Variants in TRIM22 observed in about 807,000 individuals in gnomAD.
TRIM22 encodes the protein tripartite motif containing 22.
TRIM22 carries 45 observed loss-of-function variants against 53.6 expected under a neutral mutation model. That is an observed-to-expected ratio of 0.84 (90% CI 0.66 to 1.08). The LOEUF is 1.08. TRIM22 is among the 50% of genes least tolerant of loss of function. The probability of loss-of-function intolerance (pLI) is 0.00; values close to 1 mark genes in which losing one functional copy is unlikely to be tolerated. For synonymous variants in TRIM22, 225 were observed against 216.6 expected, an observed-to-expected ratio of 1.04 and a Z score of -0.34; for missense variants, 616 against 590.9, an observed-to-expected ratio of 1.04 and a Z score of -0.44.
intron 1 of TRIM22, among the ~76,000 whole-genome samples, chr11:5,690,105 G>C (rs1853150461): frequency 6.6e-6 from 1 of 152,162 alleles, no homozygotes; most frequent in African/African-American, 2.4e-5. Context: ...GTTTGCAAAA[G>C]CAAAAAGCCT....
chr11:5,697,677 G>C (rs1853289636), intron 3 of TRIM22: 1 of 252,188 alleles, frequency 4.0e-6, no homozygotes. Context: ...TCCCTGTTTA[G>C]GGGGTTTCAG....
rs749025876 is a variant in TRIM22 at position 5,709,652 on chromosome 11, T to TTC, written c.*7_*8dup. 3.0e-4 allele frequency: 484 copies of TTC among 1,598,328 alleles called. 1 individual carries two copies. Among genetic ancestry groups the TTC allele is most frequent in the Non-Finnish European group, 3.4e-4 (402 of 1,176,264 alleles). ...TGTGTGCCCACCGAGCTCCTGAGTG[T>TTC]TCTCATTCCTTTACCCACTTCTGCA... On this transcript the variant is annotated 3_prime_UTR_variant, in exon 8 of 8. Transcript: ENST00000379965.
At chr11:5,697,949 C>T (rs868684586) in intron 3 of TRIM22, 3 of 212,898 alleles carry the variant, frequency 1.4e-5, no homozygotes, top group East Asian at 1.1e-4. Flanking sequence ...GTGATCCACC[C>T]ATCTCAGCCT....
rs140779113 is a variant in TRIM22, at chr11:5,708,098, G to A, written c.774-75G>A. 5.3e-4 allele frequency: 653 copies of A among 1,224,914 alleles called. 1 individual carries two copies. In the Middle Eastern group the frequency reaches 7.2e-3, roughly 13 times the overall value. The allele number at this position is 1,224,914 out of a possible 1,614,324, so 75.9% of individuals were successfully genotyped here. A position where few individuals can be genotyped will look rare whatever the true frequency, so the allele number is the denominator to read the frequency against. On this transcript the variant is annotated intron_variant, in intron 5 of 7. Coordinates refer to ENST00000379965, the MANE Select transcript of TRIM22 (RefSeq NM_006074.5). ...AGTGCGTCAGCAAGTATGGTGAAAGGTGAAAGAGACAGTGATCTTGGATGG... is the reference window on the plus strand; with the variant it reads ...AGTGCGTCAGCAAGTATGGTGAAAGATGAAAGAGACAGTGATCTTGGATGG...
At position 5,709,107 on chromosome 11, in the gene TRIM22, A is replaced by C. The variant is rs950275794; in HGVS notation, c.956A>C (p.Asp319Ala). The stretch of plus-strand genomic sequence containing the variant: ...ACTTCGAATGTTGCTATTTCTGTGG[A>C]TCAGAGACAAGTGAAAACTGTACGC... ...SATSNVAISV[D>A]QRQVKTVRTC... The change falls in exon 8 of 8, where the codon GAT (aspartate) becomes GCT (alanine). Residue 319 changes from aspartate (D) to alanine (A), a missense_variant. By Grantham distance (126) the Asp-to-Ala change is moderately radical. Transcript: ENST00000379965. The C allele has an allele frequency of 2.0e-5, 33 of 1,614,034 alleles. 1 individual carries two copies. The highest frequency in any genetic ancestry group is 2.8e-5 in the Non-Finnish European group (33 of 1,180,014).
chr11:5,707,647 T>C (rs1484229307), intron 5 of TRIM22, among the ~76,000 whole-genome samples: 19 of 152,066 alleles, frequency 1.2e-4, no homozygotes, highest in Admixed American at 1.2e-3. Context: ...CTGTCTCTAC[T>C]AAAAGTACAA....
At chr11:5,694,967 T>C (rs547092109) in intron 1 of TRIM22, among the ~76,000 whole-genome samples, 1 of 152,260 alleles carries the variant, frequency 6.6e-6, no homozygotes, top group East Asian at 1.9e-4. Context: ...AAGATGAAAA[T>C]CTGATTAAAA....
At chr11:5,695,202 A>C (rs1853237473) in intron 1 of TRIM22, among the ~76,000 whole-genome samples, 1 of 152,206 alleles carries the variant, frequency 6.6e-6, no homozygotes, top group Non-Finnish European at 1.5e-5. Flanking sequence ...GCAGTGAGTG[A>C]CAGTACTGGT....
rs1853257148 is a variant in TRIM22 at position 5,696,289 on chromosome 11, G to A, written c.57G>A (p.Leu19=). ...IEKEVTCPIC[L]ELLTEPLSLD... is the part of the protein sequence containing the mutation. Reference sequence around the variant, plus strand: ...AGGAGGTGACCTGCCCCATCTGCCTGGAGCTCCTGACAGAACCTCTGAGCC... The same window carrying A: ...AGGAGGTGACCTGCCCCATCTGCCTAGAGCTCCTGACAGAACCTCTGAGCC... The change falls in exon 2 of 8, where the codon CTG becomes CTA. Residue 19 remains leucine (L), a synonymous_variant. Coordinates refer to ENST00000379965, the MANE Select transcript of TRIM22 (RefSeq NM_006074.5). 6.2e-7 allele frequency: 1 copy of A among 1,613,978 alleles called. No individual in the cohort carries two copies. The highest frequency in any genetic ancestry group is 1.7e-5 in the Admixed American group (1 of 59,992).
rs1286531160 is a variant in TRIM22, at chr11:5,697,770, C to T, written c.519+427C>T. 1.8e-5 allele frequency: 3 copies of T among 169,056 alleles called. No homozygotes were observed. The East Asian group carries it at 4.7e-4, about 26-fold the overall frequency. The allele number at this position is 169,056 out of a possible 1,614,324, so 10.5% of individuals were successfully genotyped here. ...ACAGGCTGGAGTGTAGTGGCGCGAT[C>T]TTGGCTCACTGCAACCTCTGCCTCC... On this transcript the variant is annotated intron_variant, in intron 3 of 7. Transcript: ENST00000379965.
chr11:5,708,592 AGTAC>A lies in TRIM22; in HGVS notation c.891_894del (p.Gln297HisfsTer6). The A allele has an allele frequency of 6.2e-7, 1 of 1,607,640 alleles. No homozygotes were observed. The highest frequency in any genetic ancestry group is 1.1e-5 in the South Asian group (1 of 89,684). Reference sequence around the variant, plus strand: ...GTCGTTTCAGAGCTGACAGATGTCCAGTACTACTGGGGTAAGATGATATGGGGTT... The same window carrying A: ...GTCGTTTCAGAGCTGACAGATGTCCATACTGGGGTAAGATGATATGGGGTT... On this transcript the variant is annotated frameshift_variant, in exon 7 of 8. Transcript: ENST00000379965. LOFTEE classifies it high-confidence loss of function.
In TRIM22 at chr11:5,709,890, G is replaced by A. The variant is rs1319501086; in HGVS notation, c.*242G>A. The A allele has an allele frequency of 8.1e-6, 4 of 493,468 alleles. No homozygotes were observed. Among genetic ancestry groups the A allele is most frequent in the East Asian group, 6.5e-5 (2 of 30,814 alleles). 30.6% of individuals were successfully genotyped at this position (493,468 alleles called of 1,614,324 possible). A position where few individuals can be genotyped will look rare whatever the true frequency, so the allele number is the denominator to read the frequency against. ...CCAAATCTAGATTCCAGCAGAGTTG[G>A]TTCTTTCTGAGGTCTGCAAGGAAGG... On this transcript the variant is annotated 3_prime_UTR_variant, in exon 8 of 8. Coordinates refer to ENST00000379965, the MANE Select transcript of TRIM22 (RefSeq NM_006074.5).
Position 5,697,534 on chromosome 11 carries a change from C to A in TRIM22, c.519+191C>A, listed in dbSNP as rs139741647. On this transcript the variant is annotated intron_variant, in intron 3 of 7. Transcript: ENST00000379965. ...GGAGAGTAGACATATCATAAATCAACACTATATTTGGAAGTGAAGGCATGG... is the reference window on the plus strand; with the variant it reads ...GGAGAGTAGACATATCATAAATCAAAACTATATTTGGAAGTGAAGGCATGG... 2.5e-3 allele frequency: 1,231 copies of A among 488,444 alleles called. 18 individuals are homozygous for A. The highest frequency in any genetic ancestry group is 0.022 in the African/African-American group (1,114 of 51,794). 30.3% of individuals were successfully genotyped at this position (488,444 alleles called of 1,614,324 possible).
chr11:5,706,757 A>G, intron 5 of TRIM22, 141 bp downstream of exon 5: 1 of 881,724 alleles, frequency 1.1e-6, no homozygotes, highest in Non-Finnish European at 1.7e-6. Flanking sequence ...ATTGCTAGTC[A>G]CAGATTAAAG....
Position 5,709,624 on chromosome 11 carries a change from G to A in TRIM22, c.1473G>A (p.Met491Ile), listed in dbSNP as rs61735327. 260 of 1,606,516 alleles carry A rather than the reference G, an allele frequency of 1.6e-4. 1 individual carries two copies. In the African/African-American group the frequency reaches 2.3e-3, roughly 14 times the overall value. The part of the protein sequence containing the change: ...YFNPWNCLVP[M>I]TVCPPSS The stretch of plus-strand genomic sequence containing the variant: ...ATCCTTGGAACTGCCTAGTCCCCAT[G>A]ACTGTGTGCCCACCGAGCTCCTGAG... The change falls in exon 8 of 8, where the codon ATG becomes ATA. Residue 491 changes from methionine (M) to isoleucine (I), a missense_variant. Met to Ile is a conservative substitution (Grantham distance 10). Coordinates refer to ENST00000379965, the MANE Select transcript of TRIM22 (RefSeq NM_006074.5).
chr11:5,693,721 C>CAAAAAAAAAAAAA (rs60530986), intron 1 of TRIM22, among the ~76,000 whole-genome samples: 1 of 87,440 alleles, frequency 1.1e-5, no homozygotes, highest in East Asian at 3.5e-4. Flanking sequence ...GACTCCGTCT[C>CAAAAAAAAAAAAA]AAAAAAAAAA....
At chr11:5,706,667 GTCCTGAGAGATATC>G in intron 5 of TRIM22, 51 bp downstream of exon 5, 1 of 1,537,724 alleles carries the variant, frequency 6.5e-7, no homozygotes, top group South Asian at 1.2e-5. Context: ...GAGAATTATA[GTCCTGAGAGATATC>G]TTCCTTCAAT....
intron 5 of TRIM22, among the ~76,000 whole-genome samples, chr11:5,706,830 G>A (rs1374615186): frequency 6.6e-6 from 1 of 152,172 alleles, no homozygotes; most frequent in Non-Finnish European, 1.5e-5. Flanking sequence ...GGAGGCCTTA[G>A]GAATAAGAGT....
intron 4 of TRIM22, among the ~76,000 whole-genome samples, chr11:5,704,619 T>A (rs1391910862): frequency 6.6e-6 from 1 of 152,108 alleles, no homozygotes; most frequent in East Asian, 1.9e-4. Flanking sequence ...TTAAAAGTGA[T>A]TTTTTTAAAG....
Sources: allele counts gnomAD v4.1 joint callset (sites outside exome capture counted in the v4.1 genomes callset), GRCh38; gene constraint gnomAD v4.1.1; transcripts MANE v1.5; gene names NCBI Gene and HGNC (gene_info 2026-07-23, HGNC 2026-07-21).